Variants in RSPO2 observed in about 807,000 individuals in gnomAD.
RSPO2 encodes R-spondin 2.
In RSPO2, 14 loss-of-function variants were observed where a neutral mutation model predicts 30.9. The observed-to-expected ratio is 0.45, with a 90% CI of 0.30 to 0.71. RSPO2 has a LOEUF of 0.71. Ranked by LOEUF, RSPO2 falls within the 30% of genes least tolerant of loss-of-function variation. RSPO2 has a pLI of 0.08. For synonymous variants in RSPO2, 107 were observed against 96.4 expected (o/e 1.11, Z -0.64); for missense variants, 264 against 301.9 (o/e 0.87, Z 0.93).
chr8:107,983,694 G>T, intron 3 of RSPO2: 1 of 1,593,374 alleles, frequency 6.3e-7, no homozygotes, highest in East Asian at 2.2e-5. Context: ...AAAGATTAAG[G>T]GAAGAAAATA....
chr8:107,940,351 T>C (rs1812859986), intron 5 of RSPO2, among the ~76,000 whole-genome samples: 1 of 152,168 alleles, frequency 6.6e-6, no homozygotes, highest in South Asian at 2.1e-4. Flanking sequence ...AAATTATTTC[T>C]ACAAAGTTCT....
intron 2 of RSPO2, among the ~76,000 whole-genome samples, chr8:108,049,735 ATTC>A (rs1183025528): frequency 2.6e-5 from 4 of 151,864 alleles, no homozygotes; most frequent in Admixed American, 2.0e-4. Flanking sequence ...ACATGAACTC[ATTC>A]TTTTTTATGG....
At chr8:107,997,883 T>C (rs1390451700) in intron 2 of RSPO2, among the ~76,000 whole-genome samples, 9 of 152,202 alleles carry the variant, frequency 5.9e-5, no homozygotes, top group African/African-American at 2.2e-4. Flanking sequence ...GTGTTTCTAA[T>C]ATACTCCTGA....
intron 2 of RSPO2, among the ~76,000 whole-genome samples, chr8:108,021,696 A>G (rs1373119240): frequency 6.6e-6 from 1 of 151,510 alleles, no homozygotes. Context: ...AGAAAAAATG[A>G]TGTCATAAGT....
chr8:107,966,142 T>C (rs1220829077), intron 3 of RSPO2, among the ~76,000 whole-genome samples: 1 of 152,148 alleles, frequency 6.6e-6, no homozygotes, highest in Admixed American at 6.5e-5. Context: ...TATTCATACT[T>C]TGAGTGGCTT....
At position 108,082,712 on chromosome 8, in the gene RSPO2, G is replaced by A. The variant is rs1173285835; in HGVS notation, c.-74C>T. On this transcript the variant is annotated 5_prime_UTR_variant, in exon 2 of 6. Coordinates refer to ENST00000276659, the MANE Select transcript of RSPO2 (RefSeq NM_178565.5). ...AGGGTTCGCCCAAAGAGCCGGCGCC[G>A]GCCGCGCTGCTGGGGAGGACTCAGA... 4.5e-6 allele frequency: 6 copies of A among 1,319,266 alleles called. No homozygotes were observed. Among genetic ancestry groups the A allele is most frequent in the African/African-American group, 4.3e-5 (3 of 69,228 alleles). The allele number at this position is 1,319,266 out of a possible 1,614,324, so 81.7% of individuals were successfully genotyped here.
At position 108,003,318 on chromosome 8, in the gene RSPO2, T is replaced by C. The variant is rs1166136246; in HGVS notation, c.95-14074A>G. Among the ~76,000 whole-genome samples the C allele has an allele frequency of 1.3e-3, 42 of 31,396 alleles. 1 individual carries two copies. The highest frequency in any genetic ancestry group is 3.1e-3 in the South Asian group (2 of 638). The allele number at this position is 31,396 out of a possible 152,430, so 20.6% of individuals were successfully genotyped here. ...ATATATATATATATATATATTTTTTTTTTTTTTTTTTTTTTTTTTAAGTAG... is the reference window on the plus strand; with the variant it reads ...ATATATATATATATATATATTTTTTCTTTTTTTTTTTTTTTTTTTAAGTAG... On this transcript the variant is annotated intron_variant, in intron 2 of 5. Coordinates refer to ENST00000276659, the MANE Select transcript of RSPO2 (RefSeq NM_178565.5).
intron 2 of RSPO2, among the ~76,000 whole-genome samples, chr8:108,078,040 G>C (rs1330724992): frequency 1.3e-5 from 2 of 152,098 alleles, no homozygotes; most frequent in African/African-American, 4.8e-5. Context: ...TCCACAAACT[G>C]GCCAGTTTGT....
At chr8:108,040,690 A>G (rs1399650282) in intron 2 of RSPO2, among the ~76,000 whole-genome samples, 4 of 152,160 alleles carry the variant, frequency 2.6e-5, no homozygotes, top group Non-Finnish European at 1.5e-5. Flanking sequence ...AAACTAATGG[A>G]GGAAGGGGGC....
rs1310295970 is a variant in RSPO2 at position 108,035,958 on chromosome 8, T to C, written c.94+46587A>G. ...AAACATTTTTCATGATTTTGGTAAA[T>C]ATATTACAAAGATAGAGACCCAGAG... On this transcript the variant is annotated intron_variant, in intron 2 of 5. Transcript: ENST00000276659. Among the ~76,000 whole-genome samples the C allele has an allele frequency of 2.0e-5, 3 of 152,160 alleles. No individual in the cohort carries two copies. In the East Asian group the frequency reaches 5.8e-4, roughly 29 times the overall value.
At chr8:107,989,533 G>A in intron 2 of RSPO2, 1 of 315,306 alleles carries the variant, frequency 3.2e-6, no homozygotes, top group South Asian at 7.0e-5. Context: ...TTAGGGCAAG[G>A]TCCTCAACCC....
chr8:107,922,568 A>T (rs1202624770), intron 5 of RSPO2, among the ~76,000 whole-genome samples: 1 of 152,140 alleles, frequency 6.6e-6, no homozygotes, highest in Non-Finnish European at 1.5e-5. Context: ...TACCAATGAC[A>T]TTTTTCATAG....
chr8:107,983,530 G>C, intron 3 of RSPO2: 1 of 1,600,638 alleles, frequency 6.2e-7, no homozygotes, highest in Non-Finnish European at 8.6e-7. Context: ...CAGGGATCCA[G>C]ACACACTACT....
intron 2 of RSPO2, among the ~76,000 whole-genome samples, chr8:108,049,418 G>A (rs1812012417): frequency 6.6e-6 from 1 of 151,184 alleles, no homozygotes; most frequent in Non-Finnish European, 1.5e-5. Flanking sequence ...TTAGATTCTG[G>A]GATACATGTG....
chr8:107,994,927 A>G (rs1814963534), intron 2 of RSPO2, among the ~76,000 whole-genome samples: 1 of 151,894 alleles, frequency 6.6e-6, no homozygotes, highest in African/African-American at 2.4e-5. Context: ...TTATATTTAT[A>G]GCAACTTGCA....
Position 107,952,010 on chromosome 8 carries a change from T to C in RSPO2, c.616+6070A>G, listed in dbSNP as rs150593022. Among the ~76,000 whole-genome samples, 36 of 152,106 alleles carry C rather than the reference T, an allele frequency of 2.4e-4. No homozygotes were observed. The East Asian group carries it at 6.6e-3, about 28-fold the overall frequency. On this transcript the variant is annotated intron_variant, in intron 5 of 5. Transcript: ENST00000276659. ...TTGAAAAGAAAAACTACCACCACCATCACCAGGTGCCAGTGGTTATCCTCT... is the reference window on the plus strand; with the variant it reads ...TTGAAAAGAAAAACTACCACCACCACCACCAGGTGCCAGTGGTTATCCTCT...
intron 5 of RSPO2, among the ~76,000 whole-genome samples, chr8:107,930,919 T>C (rs1812534516): frequency 6.6e-6 from 1 of 152,170 alleles, no homozygotes; most frequent in South Asian, 2.1e-4. Flanking sequence ...TGCTAAACTA[T>C]CAAGCAGGAT....
At chr8:108,019,644 C>A (rs909582033) in intron 2 of RSPO2, among the ~76,000 whole-genome samples, 12 of 152,154 alleles carry the variant, frequency 7.9e-5, no homozygotes, top group Non-Finnish European at 5.9e-5. Flanking sequence ...GTGAGAAAGA[C>A]CACAATTGCC....
chr8:108,065,422 T>C (rs540184378), intron 2 of RSPO2, among the ~76,000 whole-genome samples: 38 of 152,244 alleles, frequency 2.5e-4, no homozygotes, highest in African/African-American at 7.7e-4. Context: ...ATAATACTTA[T>C]GGCCAAAATG....
Sources: allele counts gnomAD v4.1 joint callset (sites outside exome capture counted in the v4.1 genomes callset), GRCh38; gene constraint gnomAD v4.1.1; transcripts MANE v1.5; gene names NCBI Gene and HGNC (gene_info 2026-07-23, HGNC 2026-07-21).